RBPMS2: variants seen among roughly 807,000 people sequenced by gnomAD.
The protein encoded by RBPMS2 is RNA-binding protein with multiple splicing 2.
RBPMS2 carries 14 observed loss-of-function variants against 25.7 expected under a neutral mutation model. The ratio of observed to expected loss-of-function variants is 0.55; its 90% CI spans 0.36 to 0.85. RBPMS2 has a LOEUF of 0.85. Among genes scored for constraint, RBPMS2 ranks in the 40% least tolerant of loss-of-function variants. The pLI, the probability that RBPMS2 is intolerant of heterozygous loss-of-function variation, is 0.01. For synonymous variants in RBPMS2, 127 were observed against 115.6 expected (o/e 1.10, Z -0.63); for missense variants, 252 against 283.4 (o/e 0.89, Z 0.80).
chr15:64,754,538 G>A (rs1233056065), intron 1 of RBPMS2, among the ~76,000 whole-genome samples: 1 of 151,946 alleles, frequency 6.6e-6, no homozygotes, highest in Non-Finnish European at 1.5e-5. Flanking sequence ...CTTGAATCGG[G>A]AGGCAGAGGT....
At chr15:64,765,028 C>T (rs1352051959) in intron 1 of RBPMS2, among the ~76,000 whole-genome samples, 2 of 151,560 alleles carry the variant, frequency 1.3e-5, no homozygotes, top group East Asian at 3.9e-4. Context: ...AGTTCGGGAC[C>T]AGCCTGGCCA....
Position 64,749,289 on chromosome 15 carries a change from C to T in RBPMS2, c.268-139G>A, listed in dbSNP as rs540821160. The stretch of plus-strand genomic sequence containing the variant: ...GGTGGCTGAGGCAGAGGAAAGGCAG[C>T]TCAGGCCTTGAGTAATGGCCTTTGG... On this transcript the variant is annotated intron_variant, in intron 4 of 7. Transcript: ENST00000300069. 2.3e-6 allele frequency: 3 copies of T among 1,331,236 alleles called. No homozygotes were observed. The South Asian group carries it at 3.6e-5, about 16-fold the overall frequency. The allele number at this position is 1,331,236 out of a possible 1,614,324, so 82.5% of individuals were successfully genotyped here.
At chr15:64,745,480 C>A (rs1445930623) in intron 6 of RBPMS2, among the ~76,000 whole-genome samples, 1 of 152,062 alleles carries the variant, frequency 6.6e-6, no homozygotes, top group Non-Finnish European at 1.5e-5. Context: ...GTTTATGTAA[C>A]CTTAAGGTCA....
chr15:64,769,100 CAAAAAA>C (rs1167404963), intron 1 of RBPMS2, among the ~76,000 whole-genome samples: 10 of 27,688 alleles, frequency 3.6e-4, no homozygotes, highest in South Asian at 2.2e-3. Flanking sequence ...GACTTCGTCT[CAAAAAA>C]AAAAAAAAAA....
intron 1 of RBPMS2, among the ~76,000 whole-genome samples, chr15:64,762,896 A>T (rs2141072606): frequency 6.6e-6 from 1 of 152,212 alleles, no homozygotes; most frequent in Admixed American, 6.5e-5. Context: ...CAGAGAAGAG[A>T]AGGGGACAAG....
intron 1 of RBPMS2, chr15:64,762,354 G>A (rs1471726747): frequency 2.6e-6 from 1 of 380,842 alleles, no homozygotes; most frequent in African/African-American, 9.5e-5. Context: ...TGGGGAGGTT[G>A]GGGATGGGTG....
Position 64,749,016 on chromosome 15 carries a change from G to T in RBPMS2, c.402C>A (p.Phe134Leu), listed in dbSNP as rs373694645. Residue 134 changes from phenylalanine to leucine, a missense_variant, in exon 5 of 8, where the codon TTC becomes TTA. Physicochemically the swap from Phe to Leu is conservative, Grantham distance 22 (BLOSUM62 0). Transcript: ENST00000300069. Reference protein sequence around the residue: ...SNVHPALGAHFIARDPYDLMG... With the variant: ...SNVHPALGAHLIARDPYDLMG... ...GCCACTCACAGGGGTCCCGTGCGAT[G>T]AAGTGTGCTCCTAGGGCGGGGTGCA... The T allele has an allele frequency of 1.2e-6, 2 of 1,614,082 alleles. No individual in the cohort carries two copies. The highest frequency in any genetic ancestry group is 2.7e-5 in the African/African-American group (2 of 74,934).
At chr15:64,760,655 G>A (rs1816392709) in intron 1 of RBPMS2, among the ~76,000 whole-genome samples, 1 of 151,980 alleles carries the variant, frequency 6.6e-6, no homozygotes, top group African/African-American at 2.4e-5. Context: ...ACAAAAATCA[G>A]CCAGGCATGG....
At chr15:64,748,890 G>GCC in intron 5 of RBPMS2, 110 bp downstream of exon 5, 1 of 1,244,876 alleles carries the variant, frequency 8.0e-7, no homozygotes, top group Non-Finnish European at 1.1e-6. Context: ...AAAAATGGGT[G>GCC]GCCGTGGACA....
At chr15:64,767,063 C>T (rs1355791039) in intron 1 of RBPMS2, among the ~76,000 whole-genome samples, 1 of 152,094 alleles carries the variant, frequency 6.6e-6, no homozygotes, top group Admixed American at 6.6e-5. Flanking sequence ...GAATTACAGG[C>T]ATAAGCCACC....
intron 3 of RBPMS2, among the ~76,000 whole-genome samples, chr15:64,750,128 G>T (rs1040712254): frequency 6.6e-6 from 1 of 152,074 alleles, no homozygotes; most frequent in African/African-American, 2.4e-5. Context: ...AGATTCCTAA[G>T]AAACAGACAG....
chr15:64,748,646 G>C, intron 5 of RBPMS2, 79 bp from the exon 6 acceptor site: 4 of 1,483,216 alleles, frequency 2.7e-6, no homozygotes, highest in Non-Finnish European at 3.6e-6. Context: ...CAGCACTATG[G>C]TTGAGCCATA....
In RBPMS2 at chr15:64,775,245, G is replaced by A. The variant is rs972654409; in HGVS notation, c.75C>T (p.Ala25=). ...GCCACAGACCCACCTCCTCCTCCAG[G>A]GCGCCGCCGGAGCCCGCGCCGGAGC... is the stretch of plus-strand genomic sequence containing the variant. ...GTGSGAGSGG[A]LEEEVRTLFV... The change falls in exon 1 of 8, where the codon GCC becomes GCT. Residue 25 remains alanine (A), a synonymous_variant. Coordinates refer to ENST00000300069, the MANE Select transcript of RBPMS2 (RefSeq NM_194272.3). 4 of 1,315,064 alleles carry A rather than the reference G, an allele frequency of 3.0e-6. No homozygotes were observed. Among genetic ancestry groups the A allele is most frequent in the African/African-American group, 3.1e-5 (2 of 64,830 alleles). 81.5% of individuals were successfully genotyped at this position (1,315,064 alleles called of 1,614,324 possible). A position where few individuals can be genotyped will look rare whatever the true frequency, so the allele number is the denominator to read the frequency against.
rs536581675 is a variant in RBPMS2 at position 64,746,525 on chromosome 15, C to G, written c.567+1894G>C. Among the ~76,000 whole-genome samples, 3 of 152,320 alleles carry G rather than the reference C, an allele frequency of 2.0e-5. No individual in the cohort carries two copies. In the East Asian group the frequency reaches 5.8e-4, roughly 29 times the overall value. ...AGATGGTGGGTAACGTGCCCAATGT[C>G]CCACAGCTGTTGAGAACCAGGATTT... On this transcript the variant is annotated intron_variant, in intron 6 of 7. Coordinates refer to ENST00000300069, the MANE Select transcript of RBPMS2 (RefSeq NM_194272.3).
intron 1 of RBPMS2, among the ~76,000 whole-genome samples, chr15:64,771,418 C>T (rs2083892165): frequency 1.3e-5 from 2 of 152,182 alleles, no homozygotes; most frequent in Admixed American, 6.6e-5. Flanking sequence ...CACGGTGGCT[C>T]ACGTCTGTAA....
At chr15:64,767,409 C>T (rs940887229) in intron 1 of RBPMS2, among the ~76,000 whole-genome samples, 1 of 152,228 alleles carries the variant, frequency 6.6e-6, no homozygotes, top group Non-Finnish European at 1.5e-5. Flanking sequence ...TGCCCATAAC[C>T]AATGCCAGAG....
intron 1 of RBPMS2, among the ~76,000 whole-genome samples, chr15:64,765,316 G>T (rs951418292): frequency 6.6e-6 from 1 of 150,996 alleles, no homozygotes; most frequent in Non-Finnish European, 1.5e-5. Context: ...TCGGGAGGCT[G>T]AGGCAGGAGA....
intron 4 of RBPMS2, 101 bp downstream of exon 4, chr15:64,749,330 C>A (rs2083652334): frequency 2.2e-6 from 3 of 1,341,844 alleles, no homozygotes; most frequent in African/African-American, 2.9e-5. Context: ...ACAGTGTCGC[C>A]AAGGACTCTG....
At chr15:64,755,376 G>A (rs866908344) in intron 1 of RBPMS2, among the ~76,000 whole-genome samples, 18 of 152,102 alleles carry the variant, frequency 1.2e-4, no homozygotes, top group African/African-American at 3.4e-4. Flanking sequence ...GGAGCAGTCC[G>A]GGAGGCTAAA....
Sources: allele counts gnomAD v4.1 joint callset (sites outside exome capture counted in the v4.1 genomes callset), GRCh38; gene constraint gnomAD v4.1.1; transcripts MANE v1.5; gene names NCBI Gene and HGNC (gene_info 2026-07-23, HGNC 2026-07-21).